Variants in CPXM2 observed in about 807,000 individuals in gnomAD.
CPXM2 encodes the protein inactive carboxypeptidase-like protein X2.
Under a neutral mutation model 86.1 loss-of-function variants are expected in CPXM2, and 66 were observed. That is an observed-to-expected ratio of 0.77 (90% confidence interval 0.63 to 0.94). The LOEUF (loss-of-function observed/expected upper bound fraction) is 0.94, where lower values mean the gene tolerates loss of function less well. Among genes scored for constraint, CPXM2 ranks in the 40% least tolerant of loss-of-function variants. CPXM2 has a pLI of 0.00. For missense variants in CPXM2, 948 were observed against 1,026.3 expected, an observed-to-expected ratio of 0.92 and a Z score of 1.04; for synonymous variants, 388 against 400.2, an observed-to-expected ratio of 0.97 and a Z score of 0.36.
intron 3 of CPXM2, among the ~76,000 whole-genome samples, chr10:123,860,261 A>G (rs112069968): frequency 0.017 from 2,569 of 152,330 alleles, 70 homozygotes; most frequent in African/African-American, 0.058. Flanking sequence ...GAAGTCACCT[A>G]AGGTCACCAC....
At chr10:123,823,212 C>G (rs1468211459) in intron 4 of CPXM2, among the ~76,000 whole-genome samples, 1 of 152,022 alleles carries the variant, frequency 6.6e-6, no homozygotes, top group Non-Finnish European at 1.5e-5. Flanking sequence ...AGCTAAGAAA[C>G]AGATTTAACT....
chr10:123,889,148 G>C (rs1056687183), intron 1 of CPXM2, among the ~76,000 whole-genome samples: 2 of 152,206 alleles, frequency 1.3e-5, no homozygotes, highest in Admixed American at 6.5e-5. Context: ...ACTTCCCCAT[G>C]TAACCCCTGA....
chr10:123,846,242 T>C (rs1426522375), intron 3 of CPXM2, among the ~76,000 whole-genome samples: 3 of 152,208 alleles, frequency 2.0e-5, no homozygotes, highest in Non-Finnish European at 4.4e-5. Context: ...TACCATAACG[T>C]AGAATCAATG....
chr10:123,903,955 C>T (rs985178610), intron 2 of CPXM2, among the ~76,000 whole-genome samples: 1 of 152,190 alleles, frequency 6.6e-6, no homozygotes, highest in Non-Finnish European at 1.5e-5. Context: ...TGCCAGCCCC[C>T]ACACGGCCCC....
In CPXM2 at chr10:123,881,241, C is replaced by T; in HGVS notation, c.305-932G>A. ...TCCTGGAGCACCCTTCTCTTCCCTT[C>T]CCTTCCCTTCCCTTCCCTTCCCTTT... On this transcript the variant is annotated intron_variant, in intron 1 of 13. Transcript: ENST00000241305. Among the ~76,000 whole-genome samples the T allele has an allele frequency of 1.7e-5, 2 of 117,628 alleles. 1 individual carries two copies. Among genetic ancestry groups the T allele is most frequent in the Non-Finnish European group, 3.7e-5 (2 of 54,444 alleles). The allele number at this position is 117,628 out of a possible 152,430, so 77.2% of individuals were successfully genotyped here.
chr10:123,803,636 A>G (rs1847511474), intron 4 of CPXM2, among the ~76,000 whole-genome samples: 1 of 151,896 alleles, frequency 6.6e-6, no homozygotes, highest in Non-Finnish European at 1.5e-5. Flanking sequence ...ACGGGTCAAG[A>G]TACATGGTTT....
intron 3 of CPXM2, among the ~76,000 whole-genome samples, chr10:123,849,574 T>C (rs1848560948): frequency 6.6e-6 from 1 of 151,726 alleles, no homozygotes; most frequent in South Asian, 2.1e-4. Flanking sequence ...CCACCACATC[T>C]GGCTAATTTT....
intron 6 of CPXM2, among the ~76,000 whole-genome samples, 161 bp downstream of exon 6, chr10:123,797,815 C>T (rs1409830674): frequency 6.6e-6 from 1 of 152,070 alleles, no homozygotes; most frequent in East Asian, 1.9e-4. Context: ...GATTTCCAGA[C>T]TCAAGTGATT....
intron 2 of CPXM2, among the ~76,000 whole-genome samples, chr10:123,932,109 C>T (rs543847139): frequency 6.6e-6 from 1 of 152,214 alleles, no homozygotes; most frequent in African/African-American, 2.4e-5. Context: ...AAGGTGTCAG[C>T]TACATCTTCA....
At chr10:123,893,033 CA>C (rs1353727148), upstream of CPXM2, among the ~76,000 whole-genome samples, 1 of 152,200 alleles carries the variant, frequency 6.6e-6, no homozygotes, top group Non-Finnish European at 1.5e-5. Context: ...TGGGCCCACC[CA>C]AAAAATTCAG....
Position 123,939,253 on chromosome 10 carries a change from G to A in CPXM2, n.174+224C>T, listed in dbSNP as rs567672422. 5.3e-5 allele frequency among the ~76,000 whole-genome samples: 8 copies of A among 152,246 alleles called. No individual in the cohort carries two copies. The South Asian group carries it at 6.2e-4, about 12-fold the overall frequency. Reference sequence around the variant, plus strand: ...AATGTTTTCTACCTGGGCCTGCTTCGGGTAAGGCTGGAAATAGGACTCACA... The same window carrying A: ...AATGTTTTCTACCTGGGCCTGCTTCAGGTAAGGCTGGAAATAGGACTCACA... On this transcript the variant is annotated intron_variant and non_coding_transcript_variant, in intron 2 of 19. Transcript: ENST00000368854.
intron 11 of CPXM2, among the ~76,000 whole-genome samples, chr10:123,758,896 C>A (rs763288195): frequency 3.9e-5 from 6 of 152,090 alleles, no homozygotes; most frequent in African/African-American, 1.4e-4. Context: ...CCCTCTCCTG[C>A]GATGCTCAGT....
intron 2 of CPXM2, among the ~76,000 whole-genome samples, chr10:123,897,530 G>A (rs759547026): frequency 1.2e-4 from 18 of 152,142 alleles, no homozygotes; most frequent in Admixed American, 5.2e-4. Flanking sequence ...CAGGCAACCC[G>A]AGATGAGCTT....
chr10:123,778,116 C>G (rs1055232733), intron 7 of CPXM2, among the ~76,000 whole-genome samples: 3 of 152,102 alleles, frequency 2.0e-5, no homozygotes, highest in African/African-American at 4.8e-5. Flanking sequence ...TCAGTGCTCT[C>G]TGCAAAAAAA....
chr10:123,805,665 G>A (rs142391173), intron 4 of CPXM2, among the ~76,000 whole-genome samples: 21 of 152,014 alleles, frequency 1.4e-4, no homozygotes, highest in African/African-American at 4.8e-4. Context: ...AAACAATATC[G>A]GCTCTGTAAT....
At chr10:123,873,323 T>C (rs1346270734) in intron 2 of CPXM2, among the ~76,000 whole-genome samples, 1 of 152,210 alleles carries the variant, frequency 6.6e-6, no homozygotes, top group Non-Finnish European at 1.5e-5. Context: ...TTAAAAGATA[T>C]ATAAGACCTC....
chr10:123,767,300 G>A (rs1846501836), intron 9 of CPXM2, 148 bp from the exon 10 acceptor site: 1 of 675,312 alleles, frequency 1.5e-6, no homozygotes. Context: ...ATCTAAAGGA[G>A]AATATTGAAA....
chr10:123,922,074 T>C (rs1216148237), intron 2 of CPXM2, among the ~76,000 whole-genome samples: 1 of 152,156 alleles, frequency 6.6e-6, no homozygotes, highest in Non-Finnish European at 1.5e-5. Context: ...GGGGCAGGTG[T>C]TTCTTTGTTG....
In CPXM2 at chr10:123,768,607, G is replaced by A; in HGVS notation, c.1218C>T (p.Arg406=). The A allele has an allele frequency of 6.2e-7, 1 of 1,614,066 alleles. No individual in the cohort carries two copies. The highest frequency in any genetic ancestry group is 8.5e-7 in the Non-Finnish European group (1 of 1,179,998). Residue 406 remains arginine, a synonymous_variant, in exon 9 of 14, where the codon CGC becomes CGT. Coordinates refer to ENST00000241305, the MANE Select transcript of CPXM2 (RefSeq NM_198148.3). ...GCGTCTCCTCCACCAGGTGGACGAT[G>A]CGCGCATTCCGGGCCAAGTACTCCT... ...VCQEYLARNA[R]IVHLVEETRI... is the part of the protein sequence containing the mutation.
Sources: gnomAD v4.1 joint callset for allele counts (sites outside exome capture counted in the v4.1 genomes callset) on GRCh38, gnomAD v4.1.1 for gene constraint, MANE v1.5 for transcripts, NCBI Gene and HGNC (gene_info 2026-07-23, HGNC 2026-07-21) for gene names.